Variants in NYAP2 observed in about 807,000 individuals in gnomAD.
NYAP2 encodes neuronal tyrosine-phosphorylated phosphoinositide-3-kinase adaptor 2.
In NYAP2, 23 loss-of-function variants were observed where a neutral mutation model predicts 50.4. The observed-to-expected ratio is 0.46, with a 90% CI of 0.33 to 0.65. The LOEUF (loss-of-function observed/expected upper bound fraction) is 0.65. Ranked by LOEUF, NYAP2 falls within the 30% of genes least tolerant of loss-of-function variation. The probability of loss-of-function intolerance (pLI) is 0.02; values close to 1 mark genes in which losing one functional copy is unlikely to be tolerated. For missense variants in NYAP2, 885 were observed against 861.0 expected, an observed-to-expected ratio of 1.03 and a Z score of -0.35; for synonymous variants, 394 against 365.2, an observed-to-expected ratio of 1.08 and a Z score of -0.90.
the NYAP2 span, chr2:225,703,246 C>T: frequency 2.0e-5 from 3 of 151,606 alleles, no homozygotes; most frequent in African/African-American, 7.3e-5. Flanking sequence ...TTTTAAAAGA[C>T]AGGGTTTTTA....
At chr2:225,518,846 C>G (rs901792914) in intron 4 of NYAP2, among the ~76,000 whole-genome samples, 1 of 151,210 alleles carries the variant, frequency 6.6e-6, no homozygotes, top group Admixed American at 6.6e-5. Flanking sequence ...AGGTGAAACC[C>G]CATCGGTCTA....
At chr2:225,420,163 C>T (rs974444576) in intron 3 of NYAP2, among the ~76,000 whole-genome samples, 4 of 151,962 alleles carry the variant, frequency 2.6e-5, no homozygotes, top group Admixed American at 2.0e-4. Context: ...ATGGCTTCTC[C>T]TAGGGAATAG....
At chr2:225,449,801 G>C (rs933135778) in intron 3 of NYAP2, among the ~76,000 whole-genome samples, 6 of 151,492 alleles carry the variant, frequency 4.0e-5, no homozygotes, top group African/African-American at 1.5e-4. Context: ...ACTTTTAGTA[G>C]AGATGGGGTT....
chr2:225,423,446 A>G (rs1257327983), intron 3 of NYAP2, among the ~76,000 whole-genome samples: 1 of 152,212 alleles, frequency 6.6e-6, no homozygotes, highest in African/African-American at 2.4e-5. Context: ...TTTAGTTAAC[A>G]TGAAAACAGC....
intron 5 of NYAP2, among the ~76,000 whole-genome samples, chr2:225,596,284 G>C (rs1490280540): frequency 1.3e-5 from 2 of 152,142 alleles, no homozygotes; most frequent in African/African-American, 4.8e-5. Flanking sequence ...AGGGAACTCT[G>C]CTCCTTCATT....
chr2:225,611,678 T>C (rs1692887337), intron 5 of NYAP2, among the ~76,000 whole-genome samples: 1 of 152,060 alleles, frequency 6.6e-6, no homozygotes. Flanking sequence ...TAATTCCATA[T>C]GAGTTCATGT....
the NYAP2 span, among the ~76,000 whole-genome samples, chr2:225,663,229 C>T: frequency 6.6e-6 from 1 of 152,096 alleles, no homozygotes. Flanking sequence ...TCTCTTGAAT[C>T]CAAACAAGTC....
chr2:225,585,189 T>C (rs1692368534), intron 5 of NYAP2, among the ~76,000 whole-genome samples: 1 of 152,188 alleles, frequency 6.6e-6, no homozygotes, highest in Non-Finnish European at 1.5e-5. Context: ...TCAAATAAGG[T>C]ATTTAGAATA....
chr2:225,537,580 C>T lies in NYAP2; in HGVS notation c.523+23908C>T, dbSNP rs552871129. On this transcript the variant is annotated intron_variant, in intron 4 of 6. Transcript: ENST00000636099. ...TGATAATGGCATGGGAAAGATCTGA[C>T]CCCATGATTCAATTACCTCCCACCT... 9.9e-5 allele frequency among the ~76,000 whole-genome samples: 15 copies of T among 152,252 alleles called. No individual in the cohort carries two copies. In the East Asian group the frequency reaches 2.9e-3, roughly 29 times the overall value.
intron 3 of NYAP2, among the ~76,000 whole-genome samples, chr2:225,435,276 TA>T (rs1357160763): frequency 3.3e-5 from 5 of 152,144 alleles, no homozygotes; most frequent in African/African-American, 1.2e-4. Flanking sequence ...ATTGAATACA[TA>T]AGGCAGTAAA....
chr2:225,503,215 T>C (rs993854870), intron 3 of NYAP2, among the ~76,000 whole-genome samples: 1 of 152,212 alleles, frequency 6.6e-6, no homozygotes, highest in Non-Finnish European at 1.5e-5. Flanking sequence ...AAATATATTT[T>C]CCAGAACTTC....
intron 4 of NYAP2, among the ~76,000 whole-genome samples, chr2:225,579,766 C>T (rs1344951744): frequency 6.6e-6 from 1 of 152,190 alleles, no homozygotes; most frequent in Non-Finnish European, 1.5e-5. Context: ...GTGCTGCTAC[C>T]TAGGCATAGG....
intron 4 of NYAP2, among the ~76,000 whole-genome samples, chr2:225,573,895 T>G (rs1210689362): frequency 2.6e-5 from 4 of 152,164 alleles, no homozygotes; most frequent in Non-Finnish European, 1.5e-5. Context: ...AGTCACAAGG[T>G]CAGCTCTTAT....
At chr2:225,566,681 T>C (rs12469421) in intron 4 of NYAP2, among the ~76,000 whole-genome samples, 15,030 of 152,290 alleles carry the variant, frequency 0.099, 1,024 homozygotes, top group Non-Finnish European at 0.15. Context: ...CTGCAAGTGA[T>C]AGCTACAGTG....
At chr2:225,503,298 T>A (rs1288587684) in intron 3 of NYAP2, among the ~76,000 whole-genome samples, 1 of 152,232 alleles carries the variant, frequency 6.6e-6, no homozygotes. Context: ...CTAAGTTCAA[T>A]CTGAATATTA....
At chr2:225,545,629 G>C (rs1322325449) in intron 4 of NYAP2, among the ~76,000 whole-genome samples, 1 of 152,040 alleles carries the variant, frequency 6.6e-6, no homozygotes, top group Non-Finnish European at 1.5e-5. Flanking sequence ...CCTCAAAACA[G>C]CTATTTTGAA....
At chr2:225,408,760 G>T (rs1186919048) in intron 2 of NYAP2, 104 bp from the exon 3 acceptor site, 2 of 615,642 alleles carry the variant, frequency 3.2e-6, no homozygotes, top group Non-Finnish European at 5.8e-6. Context: ...TCTCCAATCG[G>T]ATTTGGCCAT....
At chr2:225,497,881 T>G (rs921813856) in intron 3 of NYAP2, among the ~76,000 whole-genome samples, 13 of 152,172 alleles carry the variant, frequency 8.5e-5, no homozygotes, top group African/African-American at 3.1e-4. Flanking sequence ...TTAGAGATAC[T>G]GAGATCAGTT....
the NYAP2 span, among the ~76,000 whole-genome samples, chr2:225,688,006 C>A: frequency 1.3e-5 from 2 of 152,144 alleles, no homozygotes; most frequent in African/African-American, 2.4e-5. Context: ...AAGTCAGATT[C>A]TCTGACATTG....
Sources: allele counts gnomAD v4.1 joint callset (sites outside exome capture counted in the v4.1 genomes callset), GRCh38; gene constraint gnomAD v4.1.1; transcripts MANE v1.5; gene names NCBI Gene and HGNC (gene_info 2026-07-23, HGNC 2026-07-21).